Variants in FILIP1 observed in about 807,000 individuals in gnomAD.
FILIP1 encodes the protein filamin A interacting protein 1.
A neutral mutation model predicts 102.1 loss-of-function variants in FILIP1; 61 were observed. The observed-to-expected ratio is 0.60, with a 90% CI of 0.49 to 0.74. The LOEUF (loss-of-function observed/expected upper bound fraction) is 0.74, where lower values mean the gene tolerates loss of function less well. Among genes scored for constraint, FILIP1 ranks in the 30% least tolerant of loss-of-function variants. The probability of loss-of-function intolerance (pLI) is 0.00; values close to 1 mark genes in which losing one functional copy is unlikely to be tolerated. For missense variants in FILIP1, 1,314 were observed against 1,441.2 expected, an observed-to-expected ratio of 0.91 and a Z score of 1.43; for synonymous variants, 491 against 526.9, an observed-to-expected ratio of 0.93 and a Z score of 0.93.
intron 1 of FILIP1, among the ~76,000 whole-genome samples, chr6:75,426,362 C>T (rs1318171755): frequency 1.3e-5 from 2 of 152,158 alleles, no homozygotes; most frequent in Non-Finnish European, 2.9e-5. Flanking sequence ...ACCCGACATT[C>T]TGTTTCATGG....
intron 4 of FILIP1, among the ~76,000 whole-genome samples, chr6:75,330,453 T>G (rs1475299592): frequency 1.3e-5 from 2 of 152,162 alleles, no homozygotes; most frequent in Admixed American, 1.3e-4. Flanking sequence ...GCCTGTGATC[T>G]CAAATTTTTG....
At chr6:75,460,132 T>C (rs1778974798) in intron 1 of FILIP1, among the ~76,000 whole-genome samples, 1 of 152,188 alleles carries the variant, frequency 6.6e-6, no homozygotes, top group African/African-American at 2.4e-5. Flanking sequence ...AGTTGGAGCA[T>C]GTCTAAGGAT....
At chr6:75,467,750 G>A (rs1043300650) in intron 1 of FILIP1, among the ~76,000 whole-genome samples, 2 of 152,134 alleles carry the variant, frequency 1.3e-5, no homozygotes, top group African/African-American at 4.8e-5. Flanking sequence ...GAAGACATTG[G>A]AAGACAGAAA....
chr6:75,359,387 A>T (rs1486497083), intron 3 of FILIP1, among the ~76,000 whole-genome samples: 2 of 152,116 alleles, frequency 1.3e-5, no homozygotes, highest in African/African-American at 4.8e-5. Context: ...GATGAGATAA[A>T]AGGAGATTTA....
At chr6:75,462,022 C>T (rs1013384149) in intron 1 of FILIP1, among the ~76,000 whole-genome samples, 2 of 152,144 alleles carry the variant, frequency 1.3e-5, no homozygotes, top group African/African-American at 4.8e-5. Flanking sequence ...GTTCACAGTG[C>T]CCTTCTTCAG....
chr6:75,343,669 C>T (rs556593293), intron 4 of FILIP1, among the ~76,000 whole-genome samples: 7 of 152,274 alleles, frequency 4.6e-5, no homozygotes, highest in African/African-American at 1.7e-4. Context: ...TCTGTTCTCC[C>T]GTTTAGTTGT....
intron 4 of FILIP1, among the ~76,000 whole-genome samples, chr6:75,326,698 T>TA (rs1773877596): frequency 6.6e-6 from 1 of 152,220 alleles, no homozygotes; most frequent in Non-Finnish European, 1.5e-5. Flanking sequence ...TTATTTAACT[T>TA]AAGAGAACAT....
intron 1 of FILIP1, among the ~76,000 whole-genome samples, chr6:75,428,085 C>T (rs1395941184): frequency 3.3e-5 from 5 of 152,300 alleles, no homozygotes; most frequent in African/African-American, 1.2e-4. Context: ...AAGAAGAACA[C>T]AGCAGACATA....
At chr6:75,469,144 T>C (rs1473594735) in intron 1 of FILIP1, among the ~76,000 whole-genome samples, 1 of 151,962 alleles carries the variant, frequency 6.6e-6, no homozygotes, top group East Asian at 1.9e-4. Context: ...AAAACAACGA[T>C]AGGAATTTTT....
intron 1 of FILIP1, among the ~76,000 whole-genome samples, chr6:75,447,745 A>G (rs887163333): frequency 1.3e-5 from 2 of 152,144 alleles, no homozygotes; most frequent in African/African-American, 4.8e-5. Flanking sequence ...AGACCTTTTC[A>G]GTGTGCCCTT....
intron 1 of FILIP1, among the ~76,000 whole-genome samples, chr6:75,485,656 G>A (rs139632319): frequency 1.7e-3 from 257 of 152,112 alleles, no homozygotes; most frequent in African/African-American, 5.9e-3. Flanking sequence ...TGCCAGAAAT[G>A]CAAATAGAAA....
chr6:75,462,128 C>CGGAG (rs1420347206), intron 1 of FILIP1, among the ~76,000 whole-genome samples: 1 of 152,220 alleles, frequency 6.6e-6, no homozygotes, highest in African/African-American at 2.4e-5. Flanking sequence ...TCTTCCCCTA[C>CGGAG]CAACTATGAA....
chr6:75,392,153 T>C (rs2149658585), intron 2 of FILIP1, among the ~76,000 whole-genome samples: 1 of 152,296 alleles, frequency 6.6e-6, no homozygotes, highest in Non-Finnish European at 1.5e-5. Context: ...TGAGTCCTCC[T>C]CATCCTCCCA....
chr6:75,481,239 G>A lies in FILIP1; in HGVS notation c.-7+12175C>T, dbSNP rs546731461. On this transcript the variant is annotated intron_variant, in intron 1 of 5. Coordinates refer to ENST00000237172, the MANE Select transcript of FILIP1 (RefSeq NM_015687.5). Reference sequence around the variant, plus strand: ...CCCGTAACTCCTGTTAGAGAGCAGAGATAATATAACATTCACCATTGTATC... The same window carrying A: ...CCCGTAACTCCTGTTAGAGAGCAGAAATAATATAACATTCACCATTGTATC... Among the ~76,000 whole-genome samples the A allele has an allele frequency of 3.9e-5, 6 of 152,262 alleles. No homozygotes were observed. The South Asian group carries it at 8.3e-4, about 21-fold the overall frequency.
At chr6:75,454,508 A>G (rs1046642359) in intron 1 of FILIP1, among the ~76,000 whole-genome samples, 4 of 152,216 alleles carry the variant, frequency 2.6e-5, no homozygotes, top group African/African-American at 4.8e-5. Context: ...GCCATGTAGC[A>G]TTCACAGGAG....
chr6:75,351,786 T>A (rs947543984), intron 4 of FILIP1, among the ~76,000 whole-genome samples: 2 of 152,216 alleles, frequency 1.3e-5, no homozygotes, highest in African/African-American at 4.8e-5. Flanking sequence ...ATCCCCTTCA[T>A]TAAGTGACAC....
chr6:75,372,411 T>C (rs1215958479), intron 2 of FILIP1, among the ~76,000 whole-genome samples: 2 of 147,804 alleles, frequency 1.4e-5, no homozygotes, highest in East Asian at 3.9e-4. Flanking sequence ...ATCTAGAATA[T>C]TGAAGAACTC....
At chr6:75,327,440 CAT>C (rs1773903071) in intron 4 of FILIP1, among the ~76,000 whole-genome samples, 1 of 151,778 alleles carries the variant, frequency 6.6e-6, no homozygotes, top group Non-Finnish European at 1.5e-5. Flanking sequence ...TAAATCAGAT[CAT>C]GTCACTCTGC....
At chr6:75,441,374 C>A (rs1300664098) in intron 1 of FILIP1, among the ~76,000 whole-genome samples, 47 of 152,296 alleles carry the variant, frequency 3.1e-4, no homozygotes, top group Middle Eastern at 3.4e-3. Flanking sequence ...TCTCCCATGT[C>A]TACTTCTTTC....
Sources: gnomAD v4.1 joint callset for allele counts (sites outside exome capture counted in the v4.1 genomes callset) on GRCh38, gnomAD v4.1.1 for gene constraint, MANE v1.5 for transcripts, NCBI Gene and HGNC (gene_info 2026-07-23, HGNC 2026-07-21) for gene names.